Variants in GRIA4 observed in about 807,000 individuals in gnomAD.
GRIA4 encodes glutamate receptor 4.
In GRIA4, 34 loss-of-function variants were observed where a neutral mutation model predicts 104.0. The ratio of observed to expected loss-of-function variants is 0.33; its 90% CI spans 0.25 to 0.44. The LOEUF is 0.44. GRIA4 is among the 20% of genes least tolerant of loss of function. The pLI, the probability that GRIA4 is intolerant of heterozygous loss-of-function variation, is 1.00. For synonymous variants in GRIA4, 386 were observed against 381.9 expected, an observed-to-expected ratio of 1.01 and a Z score of -0.13; for missense variants, 750 against 1,096.5, an observed-to-expected ratio of 0.68 and a Z score of 4.46.
At chr11:105,977,449 G>C (rs1227334729) in intron 16 of GRIA4, among the ~76,000 whole-genome samples, 1 of 151,860 alleles carries the variant, frequency 6.6e-6, no homozygotes, top group Non-Finnish European at 1.5e-5. Context: ...CATTTTTCTT[G>C]TTTTCATCAG....
At chr11:105,665,424 T>A (rs7934957) in intron 3 of GRIA4, among the ~76,000 whole-genome samples, 1 of 151,924 alleles carries the variant, frequency 6.6e-6, no homozygotes, top group Non-Finnish European at 1.5e-5. Flanking sequence ...TTTGACTCAG[T>A]CAGTCTGCTT....
chr11:105,845,847 C>T (rs988345563), intron 4 of GRIA4, among the ~76,000 whole-genome samples: 4 of 152,180 alleles, frequency 2.6e-5, no homozygotes, highest in East Asian at 1.9e-4. Flanking sequence ...GCCTAGATCA[C>T]GCCACTGCAC....
intron 14 of GRIA4, among the ~76,000 whole-genome samples, chr11:105,935,865 C>A (rs889366202): frequency 6.6e-6 from 1 of 152,150 alleles, no homozygotes; most frequent in African/African-American, 2.4e-5. Context: ...AGCTGAAGGG[C>A]TTCATCTGTC....
intron 3 of GRIA4, among the ~76,000 whole-genome samples, chr11:105,724,348 G>A (rs1190707593): frequency 6.6e-6 from 1 of 150,624 alleles, no homozygotes; most frequent in African/African-American, 2.4e-5. Context: ...TAGATAGATA[G>A]ATAGATGGAT....
At chr11:105,716,634 C>A (rs1954098500) in intron 3 of GRIA4, among the ~76,000 whole-genome samples, 1 of 152,092 alleles carries the variant, frequency 6.6e-6, no homozygotes, top group African/African-American at 2.4e-5. Context: ...CTCTATACAT[C>A]ATTAACAACG....
chr11:105,632,850 A>G (rs2135316078), intron 3 of GRIA4, among the ~76,000 whole-genome samples: 1 of 152,318 alleles, frequency 6.6e-6, no homozygotes, highest in South Asian at 2.1e-4. Flanking sequence ...TCTAAGCATT[A>G]ATATAACCAC....
intron 13 of GRIA4, among the ~76,000 whole-genome samples, chr11:105,930,105 C>T (rs112485275): frequency 5.9e-5 from 9 of 152,218 alleles, no homozygotes; most frequent in African/African-American, 2.2e-4. Flanking sequence ...GATACAGAGA[C>T]CTACTGGGCT....
intron 11 of GRIA4, 23 bp downstream of exon 11, chr11:105,918,941 G>T (rs1240082667): frequency 7.2e-7 from 1 of 1,387,664 alleles, no homozygotes; most frequent in Non-Finnish European, 1.0e-6. Context: ...ACTTATTGAA[G>T]AATTTACTTA....
chr11:105,788,091 C>T lies in GRIA4; in HGVS notation c.487+34871C>T, dbSNP rs1942054690. ...AATAATGTTCAATTAGAAAAATGAA[C>T]TTTGAATGACCACATCTCCCAAAAT... On this transcript the variant is annotated intron_variant, in intron 4 of 16. Coordinates refer to ENST00000282499, the MANE Select transcript of GRIA4 (RefSeq NM_000829.4). Among the ~76,000 whole-genome samples the T allele has an allele frequency of 3.9e-5, 6 of 152,048 alleles. No homozygotes were observed. The South Asian group carries it at 1.2e-3, about 31-fold the overall frequency.
intron 3 of GRIA4, among the ~76,000 whole-genome samples, chr11:105,670,234 A>T (rs1952316635): frequency 2.6e-5 from 4 of 152,162 alleles, no homozygotes; most frequent in Non-Finnish European, 5.9e-5. Context: ...AGTACATAAA[A>T]TCTTCTGCTG....
Position 105,903,968 on chromosome 11 carries a change from G to C in GRIA4, c.1040G>C (p.Arg347Thr). Residue 347 changes from arginine (R) to threonine (T), a missense_variant, in exon 8 of 17, where the codon AGG becomes ACG. Transcript: ENST00000282499. ...APWGQGIDMERTLKQVRIQGL... is the reference protein window; with the variant it reads ...APWGQGIDMETTLKQVRIQGL... ...TGGGGCCAGGGAATTGACATGGAGA[G>C]GACACTCAAACAGGTAACTCACAAT... The C allele has an allele frequency of 6.2e-7, 1 of 1,604,748 alleles. No individual in the cohort carries two copies. Among genetic ancestry groups the C allele is most frequent in the South Asian group, 1.1e-5 (1 of 89,514 alleles).
intron 4 of GRIA4, among the ~76,000 whole-genome samples, chr11:105,807,841 T>C (rs1244052645): frequency 6.6e-6 from 1 of 151,876 alleles, no homozygotes; most frequent in African/African-American, 2.4e-5. Flanking sequence ...TCTGCTCACA[T>C]TGTCTGCCCT....
chr11:105,728,881 A>G (rs1938398227), intron 3 of GRIA4, among the ~76,000 whole-genome samples: 1 of 152,210 alleles, frequency 6.6e-6, no homozygotes, highest in Non-Finnish European at 1.5e-5. Flanking sequence ...ATAGCACTAA[A>G]ATGGCCACAG....
At chr11:105,837,946 T>G (rs1455465621) in intron 4 of GRIA4, among the ~76,000 whole-genome samples, 1 of 152,132 alleles carries the variant, frequency 6.6e-6, no homozygotes, top group Non-Finnish European at 1.5e-5. Flanking sequence ...ACGAAAGAGA[T>G]AACACCCACT....
At chr11:105,727,465 T>C (rs1938286584) in intron 3 of GRIA4, among the ~76,000 whole-genome samples, 1 of 152,004 alleles carries the variant, frequency 6.6e-6, no homozygotes, top group Non-Finnish European at 1.5e-5. Context: ...CAGAATATTA[T>C]CCAGGAGAAA....
intron 4 of GRIA4, among the ~76,000 whole-genome samples, chr11:105,772,142 C>T (rs1189356153): frequency 6.6e-6 from 1 of 152,116 alleles, no homozygotes; most frequent in African/African-American, 2.4e-5. Context: ...ATCATCTCTA[C>T]CTAAACAGCA....
intron 3 of GRIA4, among the ~76,000 whole-genome samples, chr11:105,712,577 TACA>T (rs2135552152): frequency 6.6e-6 from 1 of 152,118 alleles, no homozygotes; most frequent in Non-Finnish European, 1.5e-5. Context: ...AAGGGATTAT[TACA>T]ACATTTCAGC....
chr11:105,721,257 A>G lies in GRIA4; in HGVS notation c.248-31724A>G, dbSNP rs188911482. Among the ~76,000 whole-genome samples the G allele has an allele frequency of 2.5e-3, 380 of 152,208 alleles. 2 individuals are homozygous for G. The highest frequency in any genetic ancestry group is 8.9e-3 in the African/African-American group (371 of 41,536). ...AGGTGGAAAGATTTTGAAGAGGGAT[A>G]ATATTTCAGTTTTTCTGTTATTGGC... is the stretch of plus-strand genomic sequence containing the variant. On this transcript the variant is annotated intron_variant, in intron 3 of 16. Coordinates refer to ENST00000282499, the MANE Select transcript of GRIA4 (RefSeq NM_000829.4).
chr11:105,738,254 T>A (rs552335904), intron 3 of GRIA4, among the ~76,000 whole-genome samples: 2 of 152,326 alleles, frequency 1.3e-5, no homozygotes, highest in South Asian at 2.1e-4. Flanking sequence ...TTCTGTAGAT[T>A]AATTGGGCTA....
Sources: allele counts gnomAD v4.1 joint callset (sites outside exome capture counted in the v4.1 genomes callset), GRCh38; gene constraint gnomAD v4.1.1; transcripts MANE v1.5; gene names NCBI Gene and HGNC (gene_info 2026-07-23, HGNC 2026-07-21).